The following TSEN15 variants were observed in gnomAD, a reference collection of about 807,000 sequenced individuals.
TSEN15 encodes the protein tRNA-splicing endonuclease subunit Sen15.
Under a neutral mutation model 20.5 loss-of-function variants are expected in TSEN15, and 10 were observed. That is an observed-to-expected ratio of 0.49 (90% confidence interval 0.30 to 0.83). The LOEUF (loss-of-function observed/expected upper bound fraction) is 0.83. Ranked by LOEUF, TSEN15 falls within the 40% of genes least tolerant of loss-of-function variation. The pLI is 0.06. For synonymous variants in TSEN15, 72 were observed against 80.1 expected (o/e 0.90, Z 0.54); for missense variants, 180 against 218.6 (o/e 0.82, Z 1.11).
intron 3 of TSEN15, among the ~76,000 whole-genome samples, chr1:184,082,003 C>T (rs1651178168): frequency 6.6e-6 from 1 of 152,172 alleles, no homozygotes; most frequent in South Asian, 2.1e-4. Context: ...TTTAGTGGAA[C>T]TCTGCGAGAA....
At position 184,070,684 on chromosome 1, in the gene TSEN15, A is replaced by G. The variant is rs560357599; in HGVS notation, c.354-1473A>G. 55 of 1,288,566 alleles carry G rather than the reference A, an allele frequency of 4.3e-5. 1 individual carries two copies. The South Asian group carries it at 6.2e-4, about 15-fold the overall frequency. The allele number at this position is 1,288,566 out of a possible 1,614,324, so 79.8% of individuals were successfully genotyped here. On this transcript the variant is annotated intron_variant, in intron 3 of 4. Coordinates refer to ENST00000645668, the MANE Select transcript of TSEN15 (RefSeq NM_052965.4). The stretch of plus-strand genomic sequence containing the variant: ...TTAAAAGATTTGCATTGAAGAAGCA[A>G]TTGTGATATGCTGCCTTTTATCACA...
chr1:184,053,875 T>G (rs972386046), intron 1 of TSEN15, among the ~76,000 whole-genome samples: 1 of 152,200 alleles, frequency 6.6e-6, no homozygotes, highest in African/African-American at 2.4e-5. Flanking sequence ...CATCACAAGT[T>G]TTATTAAAAA....
At chr1:184,070,406 T>G (rs563399842) in intron 3 of TSEN15, among the ~76,000 whole-genome samples, 13 of 152,192 alleles carry the variant, frequency 8.5e-5, no homozygotes, top group South Asian at 2.1e-4. Context: ...CTTGTGGCAT[T>G]GAAGTGGCTT....
chr1:184,067,811 T>G (rs1453171545), intron 3 of TSEN15, among the ~76,000 whole-genome samples: 2 of 150,350 alleles, frequency 1.3e-5, no homozygotes, highest in South Asian at 2.1e-4. Flanking sequence ...CCCAGCTACT[T>G]GGGAGGCCTA....
intron 3 of TSEN15, among the ~76,000 whole-genome samples, chr1:184,065,927 T>C (rs917385143): frequency 6.6e-6 from 1 of 152,202 alleles, no homozygotes; most frequent in Non-Finnish European, 1.5e-5. Flanking sequence ...TTTACAAATA[T>C]TTTCTCCCAG....
At chr1:184,061,948 G>A (rs1435278962) in intron 3 of TSEN15, among the ~76,000 whole-genome samples, 1 of 152,168 alleles carries the variant, frequency 6.6e-6, no homozygotes, top group Non-Finnish European at 1.5e-5. Context: ...TTTCTGTAAA[G>A]CAGTTATATA....
intron 1 of TSEN15, among the ~76,000 whole-genome samples, chr1:184,052,432 A>G (rs1206595241): frequency 6.6e-6 from 1 of 152,190 alleles, no homozygotes. Context: ...TTTTGCGTGT[A>G]TTTTTCTAGA....
At chr1:184,095,642 TCTCTCTC>T in intron 3 of TSEN15, 1 of 326,710 alleles carries the variant, frequency 3.1e-6, no homozygotes, top group Non-Finnish European at 5.4e-6. Context: ...TCTCTCTCTC[TCTCTCTC>T]TCTCTCTCTC....
intron 3 of TSEN15, among the ~76,000 whole-genome samples, chr1:184,055,249 G>T (rs1650206248): frequency 6.6e-6 from 1 of 151,972 alleles, no homozygotes; most frequent in Non-Finnish European, 1.5e-5. Context: ...GTGTTGAGGG[G>T]GAGGTTCCAC....
intron 3 of TSEN15, chr1:184,094,559 C>T (rs980924341): frequency 6.5e-6 from 1 of 152,682 alleles, no homozygotes; most frequent in African/African-American, 2.4e-5. Context: ...GGCCTGCACA[C>T]CGTCCTTTGC....
At chr1:184,055,319 T>G (rs1165267175) in intron 3 of TSEN15, among the ~76,000 whole-genome samples, 1 of 152,146 alleles carries the variant, frequency 6.6e-6, no homozygotes, top group African/African-American at 2.4e-5. Flanking sequence ...CACTCAGCCA[T>G]GAAGGATTTA....
chr1:184,075,370 G>C (rs894420750), downstream of TSEN15, among the ~76,000 whole-genome samples: 3 of 152,106 alleles, frequency 2.0e-5, no homozygotes, highest in African/African-American at 7.2e-5. Context: ...ACTAGATAAA[G>C]TGATTTAAGT....
chr1:184,060,086 A>G, intron 3 of TSEN15, among the ~76,000 whole-genome samples: 1 of 152,252 alleles, frequency 6.6e-6, no homozygotes, highest in African/African-American at 2.4e-5. Context: ...AACTCACAGA[A>G]GAGGAACTCA....
intron 3 of TSEN15, chr1:184,070,590 ATCTTTT>A: frequency 9.1e-7 from 1 of 1,094,340 alleles, no homozygotes; most frequent in Non-Finnish European, 1.2e-6. Context: ...ATAAAAATGT[ATCTTTT>A]TCTATTATTA....
Position 184,062,884 on chromosome 1 carries a change from TA to T in TSEN15, c.353+8029del, listed in dbSNP as rs34560813. 1.5e-3 allele frequency among the ~76,000 whole-genome samples: 221 copies of T among 151,804 alleles called. 2 individuals are homozygous for T. The highest frequency in any genetic ancestry group is 5.2e-3 in the African/African-American group (214 of 41,476). On this transcript the variant is annotated intron_variant, in intron 3 of 4. Transcript: ENST00000645668. Reference sequence around the variant, plus strand: ...AACTCATCTGTGGTTATATGTAAATTAAAAAAAAGCTGAGCGAAGTGAAATG... The same window carrying T: ...AACTCATCTGTGGTTATATGTAAATTAAAAAAAGCTGAGCGAAGTGAAATG...
chr1:184,081,155 T>G (rs1345815472), intron 3 of TSEN15, among the ~76,000 whole-genome samples: 2 of 152,160 alleles, frequency 1.3e-5, no homozygotes, highest in East Asian at 3.9e-4. Context: ...ACACTTTGAG[T>G]GGCATGTGTT....
intron 3 of TSEN15, among the ~76,000 whole-genome samples, chr1:184,090,193 T>C (rs1274039071): frequency 6.6e-6 from 1 of 152,142 alleles, no homozygotes; most frequent in Non-Finnish European, 1.5e-5. Context: ...CACAAAACAC[T>C]CTGCTGAATG....
In TSEN15 at chr1:184,066,805, C is replaced by G. The variant is rs139539891; in HGVS notation, c.354-5352C>G. ...CTTTTGCCTTTCCATATCAATTTTACAATCAGCTTGTCAATATCTACAAAA... is the reference window on the plus strand; with the variant it reads ...CTTTTGCCTTTCCATATCAATTTTAGAATCAGCTTGTCAATATCTACAAAA... On this transcript the variant is annotated intron_variant, in intron 3 of 4. Transcript: ENST00000645668. Among the ~76,000 whole-genome samples, 469 of 152,246 alleles carry G rather than the reference C, an allele frequency of 3.1e-3. 2 individuals carry two copies. Among genetic ancestry groups the G allele is most frequent in the African/African-American group, 7.4e-3 (306 of 41,548 alleles).
At chr1:184,094,790 T>A (rs1201190603) in intron 3 of TSEN15, 3 of 373,724 alleles carry the variant, frequency 8.0e-6, no homozygotes, top group South Asian at 1.5e-4. Flanking sequence ...CTATAAGCCA[T>A]CAGTCTCCAG....
Sources: allele counts gnomAD v4.1 joint callset (sites outside exome capture counted in the v4.1 genomes callset), GRCh38; gene constraint gnomAD v4.1.1; transcripts MANE v1.5; gene names NCBI Gene and HGNC (gene_info 2026-07-23, HGNC 2026-07-21).